Variants in FAM135A observed in about 807,000 individuals in gnomAD.
The protein encoded by FAM135A is family with sequence similarity 135 member A.
A neutral mutation model predicts 146.8 loss-of-function variants in FAM135A; 79 were observed. The ratio of observed to expected loss-of-function variants is 0.54; its 90% confidence interval spans 0.45 to 0.65. The LOEUF is 0.65. FAM135A is among the 30% of genes least tolerant of loss of function. The probability of loss-of-function intolerance (pLI) is 0.00; values close to 1 mark genes in which losing one functional copy is unlikely to be tolerated. For synonymous variants in FAM135A, 562 were observed against 603.6 expected (o/e 0.93, Z 1.01); for missense variants, 1,623 against 1,758.2 (o/e 0.92, Z 1.38).
intron 7 of FAM135A, 92 bp downstream of exon 7, chr6:70,475,825 A>G (rs1414290698): frequency 1.0e-6 from 1 of 995,844 alleles, no homozygotes; most frequent in African/African-American, 1.6e-5. Context: ...AATTCATCCT[A>G]TCCCTATCTT....
At chr6:70,444,014 A>G (rs553667528) in intron 4 of FAM135A, among the ~76,000 whole-genome samples, 16 of 152,264 alleles carry the variant, frequency 1.1e-4, no homozygotes, top group African/African-American at 3.4e-4. Context: ...AACCTAGCCC[A>G]CCACAACTCT....
chr6:70,554,762 G>C lies in FAM135A; in HGVS notation c.4229-1988G>C, dbSNP rs368145795. Among the ~76,000 whole-genome samples the C allele has an allele frequency of 2.0e-4, 31 of 152,132 alleles. No homozygotes were observed. In the East Asian group the frequency reaches 3.9e-3, roughly 19 times the overall value. ...CCTGCCTCAGCCTCCTGAGTAGTTA[G>C]GATTATAGGTGGCTGCCACCATGCC... On this transcript the variant is annotated intron_variant, in intron 20 of 21. Transcript: ENST00000418814.
intron 2 of FAM135A, among the ~76,000 whole-genome samples, chr6:70,416,584 T>G (rs1296318793): frequency 5.9e-5 from 9 of 152,150 alleles, no homozygotes; most frequent in Non-Finnish European, 1.5e-5. Context: ...GCATATAGAT[T>G]TGAAGTGTTT....
chr6:70,545,716 A>G (rs1798733251), intron 20 of FAM135A, among the ~76,000 whole-genome samples: 2 of 152,226 alleles, frequency 1.3e-5, no homozygotes, highest in African/African-American at 4.8e-5. Context: ...TGTAACATTT[A>G]CCACGTTCTA....
At chr6:70,419,751 A>T (rs1355279149) in intron 2 of FAM135A, among the ~76,000 whole-genome samples, 2 of 152,104 alleles carry the variant, frequency 1.3e-5, no homozygotes, top group Non-Finnish European at 2.9e-5. Context: ...CAGTTCTCAT[A>T]TGTCTCTCAT....
At chr6:70,489,627 T>TAGC (rs1230179723) in intron 10 of FAM135A, among the ~76,000 whole-genome samples, 5 of 152,166 alleles carry the variant, frequency 3.3e-5, no homozygotes, top group Non-Finnish European at 1.5e-5. Context: ...GAGAGTGAGC[T>TAGC]AGCAGCAGCC....
Position 70,498,726 on chromosome 6 carries a change from G to T in FAM135A, c.874-3910G>T, listed in dbSNP as rs536489913. Among the ~76,000 whole-genome samples the T allele has an allele frequency of 8.5e-5, 13 of 152,094 alleles. No individual in the cohort carries two copies. The East Asian group carries it at 2.3e-3, about 27-fold the overall frequency. On this transcript the variant is annotated intron_variant, in intron 11 of 21. Transcript: ENST00000418814. ...ACTTCTTTATTTCTGCCTTAATTTC[G>T]TTGTTTACCCAGTAGTTATTCAGGA...
At chr6:70,464,530 T>G (rs1779995659) in intron 5 of FAM135A, among the ~76,000 whole-genome samples, 2 of 152,200 alleles carry the variant, frequency 1.3e-5, no homozygotes, top group South Asian at 4.1e-4. Context: ...GACAGTAATC[T>G]TAGCATACAC....
At chr6:70,550,645 A>T (rs1490790628) in intron 20 of FAM135A, among the ~76,000 whole-genome samples, 3 of 152,228 alleles carry the variant, frequency 2.0e-5, no homozygotes, top group African/African-American at 7.2e-5. Context: ...AGTAGATTTC[A>T]TATAATTCTT....
Position 70,525,415 on chromosome 6 carries a change from T to A in FAM135A, c.2331T>A (p.Ser777Arg). 1 of 1,613,712 alleles carries A rather than the reference T, an allele frequency of 6.2e-7. No individual in the cohort carries two copies. Among genetic ancestry groups the A allele is most frequent in the Non-Finnish European group, 8.5e-7 (1 of 1,179,692 alleles). The change falls in exon 15 of 22, where the codon AGT becomes AGA. Residue 777 changes from serine to arginine, a missense_variant. Transcript: ENST00000418814. ...FSDSGVESEPSSFATHPNTDL... is the reference protein window; with the variant it reads ...FSDSGVESEPRSFATHPNTDL... ...ATTCAGGTGTTGAAAGTGAACCGAG[T>A]TCTTTTGCGACACATCCAAACACTG...
At chr6:70,413,848 C>T (rs1241719905) in intron 1 of FAM135A, 146 bp downstream of exon 1, 2 of 985,350 alleles carry the variant, frequency 2.0e-6, no homozygotes, top group Non-Finnish European at 2.4e-6. Flanking sequence ...CGACTGCTGG[C>T]GGTCGGAGCC....
At chr6:70,536,073 ATCT>A in intron 18 of FAM135A, 184 bp from the exon 19 acceptor site, 1 of 500,168 alleles carries the variant, frequency 2.0e-6, no homozygotes, top group Non-Finnish European at 3.4e-6. Context: ...AATAATGAGG[ATCT>A]TCTATACATT....
chr6:70,522,439 C>T, intron 12 of FAM135A, 74 bp from the exon 13 acceptor site: 2 of 1,324,734 alleles, frequency 1.5e-6, no homozygotes, highest in East Asian at 2.3e-5. Flanking sequence ...GGCAGTTTCT[C>T]TCCTTACCAT....
In FAM135A at chr6:70,560,289, G is replaced by A. The variant is rs1316454682; in HGVS notation, c.*368G>A. On this transcript the variant is annotated 3_prime_UTR_variant, in exon 22 of 22. Coordinates refer to ENST00000418814, the MANE Select transcript of FAM135A (RefSeq NM_001162529.3). ...GACCATTATTGCTAGAATAGCATGG[G>A]ATTTAAAATTTTCTAATACTGGGGG... 1.9e-5 allele frequency: 3 copies of A among 155,486 alleles called. No homozygotes were observed. The highest frequency in any genetic ancestry group is 7.2e-5 in the African/African-American group (3 of 41,510). 9.6% of individuals were successfully genotyped at this position (155,486 alleles called of 1,614,324 possible). A position where few individuals can be genotyped will look rare whatever the true frequency, so the allele number is the denominator to read the frequency against.
chr6:70,538,226 A>G, intron 19 of FAM135A, 65 bp from the exon 20 acceptor site: 1 of 960,744 alleles, frequency 1.0e-6, no homozygotes, highest in Non-Finnish European at 1.4e-6. Context: ...TATTAAAATT[A>G]ATAATCTTGG....
intron 12 of FAM135A, among the ~76,000 whole-genome samples, chr6:70,505,781 T>G (rs574187600): frequency 6.6e-6 from 1 of 152,210 alleles, no homozygotes; most frequent in East Asian, 1.9e-4. Context: ...GAAAAAGCAA[T>G]TTTTGGTGGT....
intron 21 of FAM135A, among the ~76,000 whole-genome samples, chr6:70,559,371 G>A (rs1305882338): frequency 6.6e-6 from 1 of 151,782 alleles, no homozygotes; most frequent in Non-Finnish European, 1.5e-5. Flanking sequence ...AACCCGGGAG[G>A]CAGAGGTTGC....
rs1416980105 is a variant in FAM135A, at chr6:70,428,412, C to CA, written c.71dup (p.Arg25GlufsTer23). ...CAAGTTCTACAATGTGGATTTGTTT[C>CA]AGAGAGGGTATGTATTTTATTGTGA... On this transcript the variant is annotated frameshift_variant, in exon 4 of 22. Transcript: ENST00000418814. LOFTEE classifies it high-confidence loss of function. The CA allele has an allele frequency of 1.3e-6, 2 of 1,599,390 alleles. No individual in the cohort carries two copies. Among genetic ancestry groups the CA allele is most frequent in the Non-Finnish European group, 1.7e-6 (2 of 1,172,692 alleles).
At chr6:70,420,187 T>G (rs1768499950) in intron 2 of FAM135A, among the ~76,000 whole-genome samples, 1 of 152,238 alleles carries the variant, frequency 6.6e-6, no homozygotes, top group Non-Finnish European at 1.5e-5. Flanking sequence ...TTTGTTCAAC[T>G]TCTTTACCCT....
Sources: allele counts gnomAD v4.1 joint callset (sites outside exome capture counted in the v4.1 genomes callset), GRCh38; gene constraint gnomAD v4.1.1; transcripts MANE v1.5; gene names NCBI Gene and HGNC (gene_info 2026-07-23, HGNC 2026-07-21).